Variants in SPINK5 observed in about 807,000 individuals in gnomAD.
The protein encoded by SPINK5 is serine protease inhibitor Kazal-type 5.
Under a neutral mutation model 151.8 loss-of-function variants are expected in SPINK5, and 125 were observed. That is an observed-to-expected ratio of 0.82 (90% CI 0.71 to 0.96). SPINK5 has a LOEUF of 0.96. Among genes scored for constraint, SPINK5 ranks in the 40% least tolerant of loss-of-function variants. The pLI is 0.00. For missense variants in SPINK5, 1,194 were observed against 1,291.9 expected (o/e 0.92, Z 1.16); for synonymous variants, 374 against 395.3 (o/e 0.95, Z 0.64).
At chr5:148,127,208 G>C in intron 30 of SPINK5, 129 bp downstream of exon 30, 3 of 732,992 alleles carry the variant, frequency 4.1e-6, no homozygotes, top group Non-Finnish European at 7.0e-6. Flanking sequence ...GAAGTCCTTT[G>C]AGGACTATAT....
rs747468505 is a variant in SPINK5, at chr5:148,127,229, C to T, written c.2964+150C>T. ...CTTTGAGGACTATATGCAGTTTATG[C>T]TTGGTGAGAGTTCTGGGATTTCTCA... On this transcript the variant is annotated intron_variant, in intron 30 of 32. Coordinates refer to ENST00000256084, the MANE Select transcript of SPINK5 (RefSeq NM_006846.4). The T allele has an allele frequency of 7.0e-5, 45 of 647,010 alleles. 1 individual carries two copies. The highest frequency in any genetic ancestry group is 1.4e-4 in the Admixed American group (5 of 36,490). The allele number at this position is 647,010 out of a possible 1,614,324, so 40.1% of individuals were successfully genotyped here.
At chr5:148,121,665 G>T (rs112241039) in intron 26 of SPINK5, among the ~76,000 whole-genome samples, 4,659 of 39,348 alleles carry the variant, frequency 0.12, 217 homozygotes, top group African/African-American at 0.19. Context: ...AAAAAATAAA[G>T]AAAATATGGA....
intron 1 of SPINK5, 64 bp downstream of exon 1, chr5:148,064,163 T>C (rs1752515711): frequency 6.3e-7 from 1 of 1,585,982 alleles, no homozygotes; most frequent in South Asian, 1.1e-5. Flanking sequence ...GGAAGGGACT[T>C]TTCTCCCCCT....
rs1389989468 is a variant in SPINK5, at chr5:148,099,354, T to C, written c.1092+39T>C. ...ATCCAATAAATCCTATTTGGTGCTATAATTTGAACAAATTTTAAGAGCCTA... is the reference window on the plus strand; with the variant it reads ...ATCCAATAAATCCTATTTGGTGCTACAATTTGAACAAATTTTAAGAGCCTA... On this transcript the variant is annotated intron_variant, in intron 12 of 32. Transcript: ENST00000256084. 1.9e-6 allele frequency: 3 copies of C among 1,584,994 alleles called. No homozygotes were observed. In the South Asian group the frequency reaches 3.4e-5, roughly 18 times the overall value.
chr5:148,066,508 T>C (rs1752589514), intron 2 of SPINK5, among the ~76,000 whole-genome samples: 2 of 151,684 alleles, frequency 1.3e-5, no homozygotes, highest in Non-Finnish European at 2.9e-5. Context: ...TCTTGCCGTA[T>C]TTTGTTGCAA....
At chr5:148,096,581 T>C (rs1029997269) in intron 10 of SPINK5, among the ~76,000 whole-genome samples, 6 of 152,084 alleles carry the variant, frequency 3.9e-5, no homozygotes, top group African/African-American at 1.4e-4. Context: ...ATTCAGACCA[T>C]TTCACTTCTT....
At chr5:148,103,019 A>T (rs1753689946) in intron 15 of SPINK5, among the ~76,000 whole-genome samples, 2 of 152,210 alleles carry the variant, frequency 1.3e-5, no homozygotes, top group South Asian at 4.1e-4. Flanking sequence ...TTTATTTCCC[A>T]TGTGCCAAGA....
chr5:148,076,997 A>G (rs1448435528), intron 4 of SPINK5, among the ~76,000 whole-genome samples: 1 of 151,582 alleles, frequency 6.6e-6, no homozygotes, highest in Admixed American at 6.6e-5. Context: ...AAGCCAACAT[A>G]TGCATAATGG....
intron 21 of SPINK5, among the ~76,000 whole-genome samples, chr5:148,116,021 C>T (rs981809093): frequency 6.6e-6 from 1 of 151,958 alleles, no homozygotes; most frequent in East Asian, 1.9e-4. Context: ...AGTGTTTTGC[C>T]ATGTTGGCCA....
Position 148,088,887 on chromosome 5 carries a change from A to C in SPINK5, c.474+282A>C, listed in dbSNP as rs73794659. ...AAAAGGAAACTACATGTGTAGTAGA[A>C]AGGGCACAACACTTCAGTCACTTAG... On this transcript the variant is annotated intron_variant, in intron 6 of 32. Transcript: ENST00000256084. 1,103 of 467,136 alleles carry C rather than the reference A, an allele frequency of 2.4e-3. 10 individuals are homozygous for C. Among genetic ancestry groups the C allele is most frequent in the African/African-American group, 0.017 (878 of 50,252 alleles). The allele number at this position is 467,136 out of a possible 1,614,324, so 28.9% of individuals were successfully genotyped here.
At chr5:148,118,865 A>T in intron 23 of SPINK5, 121 bp from the exon 24 acceptor site, 1 of 1,058,988 alleles carries the variant, frequency 9.4e-7, no homozygotes, top group Non-Finnish European at 1.4e-6. Context: ...GGCCATTTGG[A>T]ATCATTGACC....
At chr5:148,097,590 G>C (rs894268254) in intron 10 of SPINK5, among the ~76,000 whole-genome samples, 7 of 151,790 alleles carry the variant, frequency 4.6e-5, no homozygotes, top group African/African-American at 1.5e-4. Context: ...ATATTTCTTA[G>C]CTTTTTATAT....
rs899373773 is a variant in SPINK5, at chr5:148,078,033, A to G, written c.282+5813A>G. 4.6e-5 allele frequency among the ~76,000 whole-genome samples: 7 copies of G among 151,080 alleles called. No homozygotes were observed. The Admixed American group carries it at 4.6e-4, about 10-fold the overall frequency. On this transcript the variant is annotated intron_variant, in intron 4 of 32. Transcript: ENST00000256084. ...ATGCAGAAATTGTCAAATGATAACAAAGGAACTATAAGCTATCTCCAGTAG... is the reference window on the plus strand; with the variant it reads ...ATGCAGAAATTGTCAAATGATAACAGAGGAACTATAAGCTATCTCCAGTAG...
At chr5:148,130,098 A>T (rs989936810) in intron 30 of SPINK5, among the ~76,000 whole-genome samples, 2 of 151,808 alleles carry the variant, frequency 1.3e-5, no homozygotes, top group African/African-American at 4.8e-5. Context: ...ATTTTAAAAA[A>T]TTTTCTATGC....
chr5:148,135,663 T>C (rs1754679166), intron 32 of SPINK5, among the ~76,000 whole-genome samples: 1 of 151,564 alleles, frequency 6.6e-6, no homozygotes, highest in Non-Finnish European at 1.5e-5. Context: ...TCGGGTACAG[T>C]TGGTACAGAC....
At chr5:148,119,969 TA>T in intron 24 of SPINK5, 39 bp from the exon 25 acceptor site, 3 of 1,610,190 alleles carry the variant, frequency 1.9e-6, no homozygotes, top group Non-Finnish European at 2.5e-6. Flanking sequence ...AAATATTATG[TA>T]AAAACAGCAC....
intron 20 of SPINK5, among the ~76,000 whole-genome samples, chr5:148,113,168 A>G (rs1435251949): frequency 6.6e-6 from 1 of 152,196 alleles, no homozygotes; most frequent in Non-Finnish European, 1.5e-5. Flanking sequence ...AAACAGCCCT[A>G]GACTGTATAC....
chr5:148,098,842 T>G (rs1753551603), intron 11 of SPINK5, among the ~76,000 whole-genome samples: 1 of 152,068 alleles, frequency 6.6e-6, no homozygotes, highest in Non-Finnish European at 1.5e-5. Flanking sequence ...ACCTCTCATC[T>G]TCTCTGATTA....
intron 22 of SPINK5, among the ~76,000 whole-genome samples, chr5:148,117,131 C>T (rs1450538552): frequency 1.3e-5 from 2 of 152,202 alleles, no homozygotes; most frequent in Admixed American, 6.5e-5. Flanking sequence ...TATCTTTTTA[C>T]AACCTTGGAA....
Sources: allele counts gnomAD v4.1 joint callset (sites outside exome capture counted in the v4.1 genomes callset), GRCh38; gene constraint gnomAD v4.1.1; transcripts MANE v1.5; gene names NCBI Gene and HGNC (gene_info 2026-07-23, HGNC 2026-07-21).